KPNA1: variants seen among roughly 807,000 people sequenced by gnomAD.
KPNA1 encodes importin subunit alpha-5.
Under a neutral mutation model 70.5 loss-of-function variants are expected in KPNA1, and 10 were observed. That is an observed-to-expected ratio of 0.14 (90% CI 0.09 to 0.24). The LOEUF (loss-of-function observed/expected upper bound fraction) is 0.24, where lower values mean the gene tolerates loss of function less well. KPNA1 is among the 10% of genes least tolerant of loss of function. The pLI is 1.00. For synonymous variants in KPNA1, 192 were observed against 221.9 expected, an observed-to-expected ratio of 0.87 and a Z score of 1.20; for missense variants, 397 against 637.9, an observed-to-expected ratio of 0.62 and a Z score of 4.07.
chr3:122,438,397 T>C (rs1180231113), intron 10 of KPNA1, among the ~76,000 whole-genome samples: 4 of 147,810 alleles, frequency 2.7e-5, no homozygotes, highest in Non-Finnish European at 3.0e-5. Flanking sequence ...TTTGTTTTTT[T>C]TTTTTTGAGA....
chr3:122,487,921 A>G (rs938441344), intron 2 of KPNA1, among the ~76,000 whole-genome samples: 3 of 152,200 alleles, frequency 2.0e-5, no homozygotes, highest in African/African-American at 7.2e-5. Flanking sequence ...ATTAATAAAA[A>G]TTTTTTAAAA....
chr3:122,447,154 T>C (rs1197998378), intron 9 of KPNA1, among the ~76,000 whole-genome samples: 1 of 152,316 alleles, frequency 6.6e-6, no homozygotes, highest in African/African-American at 2.4e-5. Flanking sequence ...GAGGGAATCC[T>C]ACCTAACTCA....
At chr3:122,462,035 G>A (rs2076329556) in intron 4 of KPNA1, among the ~76,000 whole-genome samples, 1 of 152,138 alleles carries the variant, frequency 6.6e-6, no homozygotes, top group Non-Finnish European at 1.5e-5. Context: ...ACTGAAAGAG[G>A]TGACTAATGG....
chr3:122,510,169 GTAAGA>G (rs2076939663), intron 1 of KPNA1, among the ~76,000 whole-genome samples: 1 of 152,188 alleles, frequency 6.6e-6, no homozygotes, highest in Non-Finnish European at 1.5e-5. Flanking sequence ...TTTCAGTCAT[GTAAGA>G]TGTCAGGAAG....
intron 1 of KPNA1, among the ~76,000 whole-genome samples, chr3:122,513,118 G>T (rs1329302888): frequency 6.6e-6 from 1 of 152,170 alleles, no homozygotes; most frequent in Non-Finnish European, 1.5e-5. Context: ...TGAAAGGAGA[G>T]AAATAATTTA....
rs368341068 is a variant in KPNA1 at position 122,426,965 on chromosome 3, C to T, written c.*20G>A. 4.0e-5 allele frequency: 64 copies of T among 1,606,972 alleles called. 1 individual carries two copies. The East Asian group carries it at 1.3e-3, about 34-fold the overall frequency. ...TGGGTAGCCTGGTCTGACACAGGTA[C>T]GTGAAAGCAGAGTATTGCTTCAAAG... is the stretch of plus-strand genomic sequence containing the variant. On this transcript the variant is annotated 3_prime_UTR_variant, in exon 14 of 14. Transcript: ENST00000344337.
At position 122,452,117 on chromosome 3, in the gene KPNA1, T is replaced by C. The variant is rs569020316; in HGVS notation, c.565-53A>G. 3 of 1,130,372 alleles carry C rather than the reference T, an allele frequency of 2.7e-6. No individual in the cohort carries two copies. The South Asian group carries it at 3.8e-5, about 14-fold the overall frequency. 70.0% of individuals were successfully genotyped at this position (1,130,372 alleles called of 1,614,324 possible). ...GTTACATAGTTTAATTCCCTCATAA[T>C]TCTTTCAGATGCCAGTATATCACAA... On this transcript the variant is annotated intron_variant, in intron 6 of 13. Coordinates refer to ENST00000344337, the MANE Select transcript of KPNA1 (RefSeq NM_002264.4).
chr3:122,457,625 A>T (rs2076278634), intron 5 of KPNA1: 1 of 1,038,974 alleles, frequency 9.6e-7, no homozygotes, highest in African/African-American at 1.7e-5. Flanking sequence ...CTGCACACTG[A>T]AGGTTTGATG....
chr3:122,436,430 T>C (rs1334732280), intron 11 of KPNA1, among the ~76,000 whole-genome samples: 2 of 152,250 alleles, frequency 1.3e-5, no homozygotes, highest in African/African-American at 4.8e-5. Context: ...AATAAAAACC[T>C]GCTGGTTTTG....
intron 11 of KPNA1, among the ~76,000 whole-genome samples, chr3:122,434,910 T>C (rs2075964657): frequency 6.6e-6 from 1 of 152,212 alleles, no homozygotes; most frequent in African/African-American, 2.4e-5. Context: ...TATAGATTGT[T>C]ATAGCTATTA....
intron 1 of KPNA1, among the ~76,000 whole-genome samples, chr3:122,513,110 A>G (rs1157249761): frequency 6.6e-6 from 1 of 152,246 alleles, no homozygotes; most frequent in Non-Finnish European, 1.5e-5. Context: ...AAAAAGTATG[A>G]AAGGAGAGAA....
At chr3:122,489,236 T>C (rs1000341495) in intron 2 of KPNA1, among the ~76,000 whole-genome samples, 2 of 152,170 alleles carry the variant, frequency 1.3e-5, no homozygotes, top group African/African-American at 4.8e-5. Context: ...TCACAGTTTT[T>C]ATCTCCAGGA....
chr3:122,490,913 C>T (rs1296585077), intron 2 of KPNA1, among the ~76,000 whole-genome samples: 1 of 151,878 alleles, frequency 6.6e-6, no homozygotes, highest in Admixed American at 6.6e-5. Flanking sequence ...TATGAATTTC[C>T]TTTATTCATA....
At chr3:122,492,930 T>C (rs1023619486) in intron 2 of KPNA1, among the ~76,000 whole-genome samples, 3 of 152,274 alleles carry the variant, frequency 2.0e-5, no homozygotes, top group African/African-American at 4.8e-5. Context: ...AGTGTTTTTA[T>C]ATACATATGC....
chr3:122,461,169 TA>T (rs2076319699), intron 5 of KPNA1, 54 bp downstream of exon 5: 1 of 1,136,256 alleles, frequency 8.8e-7, no homozygotes, highest in Non-Finnish European at 1.3e-6. Flanking sequence ...GTGTACAAAA[TA>T]AAAATTTTCA....
intron 7 of KPNA1, 81 bp from the exon 8 acceptor site, chr3:122,451,714 T>G: frequency 1.1e-6 from 1 of 916,898 alleles, no homozygotes; most frequent in African/African-American, 1.7e-5. Context: ...AATAATACTT[T>G]TGATAAAGAG....
rs142328615 is a variant in KPNA1 at position 122,472,334 on chromosome 3, T to C, written c.130-4905A>G. Among the ~76,000 whole-genome samples the C allele has an allele frequency of 1.8e-3, 274 of 152,234 alleles. 4 individuals carry two copies. Among genetic ancestry groups the C allele is most frequent in the African/African-American group, 6.1e-3 (252 of 41,550 alleles). On this transcript the variant is annotated intron_variant, in intron 2 of 13. Coordinates refer to ENST00000344337, the MANE Select transcript of KPNA1 (RefSeq NM_002264.4). ...TGGAGATTAAACAACACACTTCTAA[T>C]AACACATAGGTCAAAAAAGAGATCT...
chr3:122,486,089 C>T (rs1289273484), intron 2 of KPNA1, among the ~76,000 whole-genome samples: 1 of 152,090 alleles, frequency 6.6e-6, no homozygotes, highest in African/African-American at 2.4e-5. Context: ...TAAGTATACA[C>T]CAGCTATACA....
chr3:122,437,379 CAT>C (rs1219494285), intron 10 of KPNA1, 84 bp from the exon 11 acceptor site: 3 of 949,152 alleles, frequency 3.2e-6, no homozygotes, highest in African/African-American at 3.3e-5. Flanking sequence ...TTATGAAAGA[CAT>C]AACATCTCCC....
Sources: gnomAD v4.1 joint callset for allele counts (sites outside exome capture counted in the v4.1 genomes callset) on GRCh38, gnomAD v4.1.1 for gene constraint, MANE v1.5 for transcripts, NCBI Gene and HGNC (gene_info 2026-07-23, HGNC 2026-07-21) for gene names.